ZNF236: variants seen among roughly 807,000 people sequenced by gnomAD.
ZNF236 encodes the protein zinc finger protein 236.
ZNF236 carries 50 observed loss-of-function variants against 191.2 expected under a neutral mutation model. That is an observed-to-expected ratio of 0.26 (90% CI 0.21 to 0.33). The LOEUF is 0.33. Among genes scored for constraint, ZNF236 ranks in the 10% least tolerant of loss-of-function variants. The pLI is 1.00. For missense variants in ZNF236, 1,754 were observed against 2,374.5 expected, an observed-to-expected ratio of 0.74 and a Z score of 5.43; for synonymous variants, 907 against 928.8, an observed-to-expected ratio of 0.98 and a Z score of 0.43.
chr18:76,854,496 C>G (rs1431775924), intron 3 of ZNF236, among the ~76,000 whole-genome samples: 1 of 151,158 alleles, frequency 6.6e-6, no homozygotes, highest in Non-Finnish European at 1.5e-5. Context: ...GGTGTGGCAG[C>G]TCATGCTTGT....
At chr18:76,878,810 T>C (rs1471477311) in intron 7 of ZNF236, among the ~76,000 whole-genome samples, 4 of 152,266 alleles carry the variant, frequency 2.6e-5, no homozygotes, top group African/African-American at 9.6e-5. Context: ...GAAGTTTTAA[T>C]GTATGCTTAT....
At chr18:76,844,663 G>A (rs772927799) in intron 1 of ZNF236, among the ~76,000 whole-genome samples, 23 of 152,158 alleles carry the variant, frequency 1.5e-4, no homozygotes, top group Admixed American at 1.2e-3. Flanking sequence ...CACTGCTTAC[G>A]AGTTTGTCAT....
chr18:76,834,484 A>G, intron 1 of ZNF236: 1 of 410,286 alleles, frequency 2.4e-6, no homozygotes, highest in South Asian at 2.3e-5. Flanking sequence ...TTACTTTTCT[A>G]CTTGGCGAGA....
intron 11 of ZNF236, among the ~76,000 whole-genome samples, chr18:76,900,157 A>G (rs1443302562): frequency 1.3e-5 from 2 of 152,210 alleles, no homozygotes; most frequent in African/African-American, 4.8e-5. Context: ...CTTAATTCCA[A>G]AGCATAACCT....
intron 27 of ZNF236, among the ~76,000 whole-genome samples, chr18:76,955,309 G>A (rs925301683): frequency 2.0e-5 from 3 of 152,188 alleles, no homozygotes; most frequent in Non-Finnish European, 2.9e-5. Flanking sequence ...GCAGGCGTGC[G>A]GGAGGGCTGG....
At position 76,923,149 on chromosome 18, in the gene ZNF236, C is replaced by A. The variant is rs57977862; in HGVS notation, c.3636C>A (p.Leu1212=). The stretch of plus-strand genomic sequence containing the variant: ...AGAGTTTTACTGTGAAATCCACTCT[C>A]GATTGTCATGTGAAGACTCACACAG... ...CGKSFTVKST[L]DCHVKTHTGQ... Residue 1212 remains leucine, a synonymous_variant, in exon 21 of 31, where the codon CTC becomes CTA. Coordinates refer to ENST00000320610, the MANE Select transcript of ZNF236 (RefSeq NM_001306089.2). 1 of 1,613,474 alleles carries A rather than the reference C, an allele frequency of 6.2e-7. No homozygotes were observed. The highest frequency in any genetic ancestry group is 1.3e-5 in the African/African-American group (1 of 74,908).
rs1968875873 is a variant in ZNF236 at position 76,969,738 on chromosome 18, C to A, written c.*1399C>A. ...TGTATATTAAGAGAGGAGCTCATTT[C>A]AGATTCCTAAAGAAATAGACATTTT... On this transcript the variant is annotated 3_prime_UTR_variant, in exon 31 of 31. Coordinates refer to ENST00000320610, the MANE Select transcript of ZNF236 (RefSeq NM_001306089.2). 1 of 152,436 alleles carries A rather than the reference C, an allele frequency of 6.6e-6. No homozygotes were observed. The highest frequency in any genetic ancestry group is 1.5e-5 in the Non-Finnish European group (1 of 68,014). 9.4% of individuals were successfully genotyped at this position (152,436 alleles called of 1,614,324 possible).
At chr18:76,883,298 T>G (rs1395239172) in intron 9 of ZNF236, among the ~76,000 whole-genome samples, 1 of 151,114 alleles carries the variant, frequency 6.6e-6, no homozygotes, top group Non-Finnish European at 1.5e-5. Context: ...ACTGAGCAAG[T>G]GCATGCAGTT....
In ZNF236 at chr18:76,868,828, G is replaced by A. The variant is rs764485558; in HGVS notation, c.507G>A (p.Glu169=). 6.2e-7 allele frequency: 1 copy of A among 1,613,174 alleles called. No homozygotes were observed. Among genetic ancestry groups the A allele is most frequent in the Non-Finnish European group, 8.5e-7 (1 of 1,179,892 alleles). The change falls in exon 4 of 31, where the codon GAG becomes GAA. Residue 169 remains glutamate, a synonymous_variant. Coordinates refer to ENST00000320610, the MANE Select transcript of ZNF236 (RefSeq NM_001306089.2). The part of the protein sequence containing the change: ...ACKKEFETSS[E]LKEHMKTHYK... Reference sequence around the variant, plus strand: ...AGAAAGAGTTCGAGACCTCCTCGGAGCTGAAGGAACACATGAAGACTCATT... The same window carrying A: ...AGAAAGAGTTCGAGACCTCCTCGGAACTGAAGGAACACATGAAGACTCATT...
chr18:76,868,488 T>A (rs1392086580), intron 3 of ZNF236, among the ~76,000 whole-genome samples, 197 bp from the exon 4 acceptor site: 1 of 152,264 alleles, frequency 6.6e-6, no homozygotes, highest in African/African-American at 2.4e-5. Flanking sequence ...AATAAAGAAA[T>A]GATTTTTGTA....
At chr18:76,917,888 A>G (rs1274208408) in intron 19 of ZNF236, among the ~76,000 whole-genome samples, 1 of 152,100 alleles carries the variant, frequency 6.6e-6, no homozygotes, top group African/African-American at 2.4e-5. Flanking sequence ...CGAGATGGAC[A>G]TTGAATCCAC....
At position 76,919,574 on chromosome 18, in the gene ZNF236, C is replaced by G. The variant is rs1053803568; in HGVS notation, c.3275-202C>G. ...TGTTCATCCCCCGCCCCCCACTTTC[C>G]AGTACACTTGGCTGTTTTCTTTCCA... On this transcript the variant is annotated intron_variant, in intron 19 of 30. Transcript: ENST00000320610. This position sits in a 1 kb window ranked among gnomAD's most constrained non-coding sequence, Gnocchi z 5.3. Among the ~76,000 whole-genome samples the G allele has an allele frequency of 2.0e-5, 3 of 152,148 alleles. No homozygotes were observed. The highest frequency in any genetic ancestry group is 4.4e-5 in the Non-Finnish European group (3 of 68,032).
chr18:76,920,662 C>T (rs1967508238), intron 20 of ZNF236, among the ~76,000 whole-genome samples: 1 of 152,130 alleles, frequency 6.6e-6, no homozygotes, highest in Non-Finnish European at 1.5e-5. Context: ...AGGCAGGGCT[C>T]TAAGCTTTGT....
intron 1 of ZNF236, among the ~76,000 whole-genome samples, chr18:76,839,387 G>T (rs1975418320): frequency 6.6e-6 from 1 of 152,178 alleles, no homozygotes; most frequent in Admixed American, 6.6e-5. Context: ...TCATCAATCT[G>T]TGGTATTGTC....
At chr18:76,868,453 C>T (rs1265895167) in intron 3 of ZNF236, among the ~76,000 whole-genome samples, 4 of 152,180 alleles carry the variant, frequency 2.6e-5, no homozygotes, top group Non-Finnish European at 5.9e-5. Context: ...TCACCCTTTT[C>T]CCAATGTTTC....
chr18:76,880,001 C>G lies in ZNF236; in HGVS notation c.985-112C>G. On this transcript the variant is annotated intron_variant, in intron 7 of 30. Transcript: ENST00000320610. This position sits in a 1 kb window ranked among gnomAD's most constrained non-coding sequence, Gnocchi z 5.0. ...ATTTAAAATTTATGTTTAGGATACT[C>G]TTAGATTTTAACACCCTTAAGGAGG... 2.1e-6 allele frequency: 2 copies of G among 973,304 alleles called. No homozygotes were observed. Among genetic ancestry groups the G allele is most frequent in the African/African-American group, 1.7e-5 (1 of 59,602 alleles). 60.3% of individuals were successfully genotyped at this position (973,304 alleles called of 1,614,324 possible).
intron 15 of ZNF236, 34 bp from the exon 16 acceptor site, chr18:76,910,626 T>G: frequency 6.3e-7 from 1 of 1,592,002 alleles, no homozygotes; most frequent in Non-Finnish European, 8.6e-7. Flanking sequence ...ACTTTAATAT[T>G]TTTGTAGAAC....
intron 17 of ZNF236, 69 bp downstream of exon 17, chr18:76,912,416 C>A: frequency 1.7e-6 from 2 of 1,170,568 alleles, no homozygotes; most frequent in Non-Finnish European, 2.5e-6. Flanking sequence ...GTGTGTTTGC[C>A]CCGCTCCAAG....
chr18:76,952,575 C>T (rs1362296823), intron 27 of ZNF236, among the ~76,000 whole-genome samples: 1 of 152,176 alleles, frequency 6.6e-6, no homozygotes, highest in African/African-American at 2.4e-5. Context: ...CTGGTGATGT[C>T]TGTGCATCCC....
Sources: gnomAD v4.1 joint callset for allele counts (sites outside exome capture counted in the v4.1 genomes callset) on GRCh38, gnomAD v4.1.1 for gene constraint, Gnocchi (gnomAD v3.1) non-coding constraint, MANE v1.5 for transcripts, NCBI Gene and HGNC (gene_info 2026-07-23, HGNC 2026-07-21) for gene names.